VPS13B: variants seen among roughly 807,000 people sequenced by gnomAD.
VPS13B encodes vacuolar protein sorting 13 homolog B, also known as intermembrane lipid transfer protein VPS13B.
In VPS13B, 285 loss-of-function variants were observed where a neutral mutation model predicts 426.4. That is an observed-to-expected ratio of 0.67 (90% CI 0.61 to 0.74). VPS13B has a LOEUF of 0.74. Among genes scored for constraint, VPS13B ranks in the 30% least tolerant of loss-of-function variants. The pLI is 0.00. For missense variants in VPS13B, 4,537 were observed against 4,782.6 expected (o/e 0.95, Z 1.51); for synonymous variants, 1,676 against 1,676.4 (o/e 1.00, Z 0.01).
intron 19 of VPS13B, among the ~76,000 whole-genome samples, chr8:99,363,518 T>C (rs1230230509): frequency 6.6e-6 from 1 of 152,156 alleles, no homozygotes; most frequent in Non-Finnish European, 1.5e-5. Flanking sequence ...ATGTCTTTGG[T>C]ATTTTGATAG....
intron 57 of VPS13B, among the ~76,000 whole-genome samples, chr8:99,860,460 T>G (rs926078018): frequency 6.6e-6 from 1 of 152,246 alleles, no homozygotes; most frequent in Admixed American, 6.5e-5. Context: ...TTCTGTTGTT[T>G]TTATGTTAAA....
intron 17 of VPS13B, chr8:99,233,492 C>G: frequency 3.1e-6 from 4 of 1,307,672 alleles, no homozygotes; most frequent in Non-Finnish European, 4.4e-6. Context: ...TTCACAATCT[C>G]CTGCTCTTGA....
intron 54 of VPS13B, among the ~76,000 whole-genome samples, chr8:99,836,749 C>T (rs879116209): frequency 4.6e-5 from 7 of 152,136 alleles, no homozygotes; most frequent in Non-Finnish European, 8.8e-5. Flanking sequence ...AATGCATTTA[C>T]GGTAGTAATA....
intron 8 of VPS13B, among the ~76,000 whole-genome samples, chr8:99,134,309 C>G (rs1285227402): frequency 6.6e-6 from 1 of 152,214 alleles, no homozygotes; most frequent in South Asian, 2.1e-4. Context: ...TGAGGTTATA[C>G]TATATGTAAA....
intron 45 of VPS13B, 55 bp from the exon 46 acceptor site, chr8:99,818,396 A>G: frequency 6.7e-7 from 1 of 1,502,786 alleles, no homozygotes; most frequent in South Asian, 1.1e-5. Flanking sequence ...CCTTATTTTG[A>G]TTAATTAGTA....
At chr8:99,495,109 A>G (rs1820816846) in intron 25 of VPS13B, among the ~76,000 whole-genome samples, 1 of 152,166 alleles carries the variant, frequency 6.6e-6, no homozygotes, top group African/African-American at 2.4e-5. Context: ...ATCACTCATT[A>G]TCTTTATTAA....
chr8:99,051,027 T>G (rs1843518858), intron 3 of VPS13B, among the ~76,000 whole-genome samples: 1 of 152,198 alleles, frequency 6.6e-6, no homozygotes, highest in African/African-American at 2.4e-5. Flanking sequence ...AGAAGCTCTT[T>G]AGTTTAATTA....
At chr8:99,453,328 A>G (rs1257354719) in intron 23 of VPS13B, among the ~76,000 whole-genome samples, 2 of 152,162 alleles carry the variant, frequency 1.3e-5, no homozygotes, top group Non-Finnish European at 2.9e-5. Context: ...TTAATCCTCA[A>G]ACCGTGTATG....
chr8:99,209,006 C>T (rs1814904679), intron 17 of VPS13B, among the ~76,000 whole-genome samples: 1 of 152,056 alleles, frequency 6.6e-6, no homozygotes, highest in African/African-American at 2.4e-5. Flanking sequence ...TGCGACTGGG[C>T]AGGGTGGCTC....
At chr8:99,734,983 A>G (rs564024525) in intron 39 of VPS13B, among the ~76,000 whole-genome samples, 3 of 152,354 alleles carry the variant, frequency 2.0e-5, no homozygotes, top group South Asian at 2.1e-4. Context: ...TAGGTTCTAC[A>G]TTGGACATTT....
chr8:99,832,089 C>A (rs187904516), intron 51 of VPS13B, among the ~76,000 whole-genome samples: 195 of 152,096 alleles, frequency 1.3e-3, no homozygotes, highest in African/African-American at 4.6e-3. Flanking sequence ...TAGCGAAACC[C>A]CATCTCTACT....
At chr8:99,549,348 T>C (rs963120891) in intron 30 of VPS13B, among the ~76,000 whole-genome samples, 3 of 152,142 alleles carry the variant, frequency 2.0e-5, no homozygotes, top group Admixed American at 6.6e-5. Flanking sequence ...AGTACGTGCT[T>C]TATCCAGCTA....
At position 99,528,004 on chromosome 8, in the gene VPS13B, A is replaced by G. The variant is rs536280611; in HGVS notation, c.4745+6994A>G. The stretch of plus-strand genomic sequence containing the variant: ...TTTCTTAGAAGCTTTATGTTGTGCA[A>G]TATGCTGGTGTATCCTCTATACCTT... On this transcript the variant is annotated intron_variant, in intron 30 of 61. Coordinates refer to ENST00000357162, the MANE Select transcript of VPS13B (RefSeq NM_152564.5). The G allele has an allele frequency of 3.9e-5, 6 of 152,142 alleles. 1 individual carries two copies. The South Asian group carries it at 1.0e-3, about 26-fold the overall frequency. 9.4% of individuals were successfully genotyped at this position (152,142 alleles called of 1,614,324 possible). A position where few individuals can be genotyped will look rare whatever the true frequency, so the allele number is the denominator to read the frequency against.
chr8:99,362,640 A>G (rs1326504099), intron 19 of VPS13B, among the ~76,000 whole-genome samples: 1 of 152,102 alleles, frequency 6.6e-6, no homozygotes, highest in African/African-American at 2.4e-5. Context: ...CTTTCCTAAA[A>G]CCCATTCAGG....
At chr8:99,353,117 G>T (rs1588283666) in intron 19 of VPS13B, among the ~76,000 whole-genome samples, 1 of 151,848 alleles carries the variant, frequency 6.6e-6, no homozygotes, top group Non-Finnish European at 1.5e-5. Flanking sequence ...AAGTAGCTGG[G>T]ATTAGAGGCA....
At chr8:99,578,093 A>G (rs2133813027) in intron 33 of VPS13B, among the ~76,000 whole-genome samples, 1 of 152,290 alleles carries the variant, frequency 6.6e-6, no homozygotes, top group East Asian at 1.9e-4. Flanking sequence ...TAAAAGTTGA[A>G]TGCCTGCCTA....
At chr8:99,256,374 T>C (rs1208448807) in intron 17 of VPS13B, among the ~76,000 whole-genome samples, 5 of 152,200 alleles carry the variant, frequency 3.3e-5, no homozygotes, top group Non-Finnish European at 5.9e-5. Flanking sequence ...TATACAAATA[T>C]CTTTTTGAAA....
intron 43 of VPS13B, among the ~76,000 whole-genome samples, chr8:99,806,526 G>A (rs1813410940): frequency 6.6e-6 from 1 of 152,096 alleles, no homozygotes; most frequent in Non-Finnish European, 1.5e-5. Context: ...TTTTCCCTAT[G>A]TGATCATAAG....
intron 31 of VPS13B, among the ~76,000 whole-genome samples, chr8:99,572,138 T>C (rs1239971661): frequency 6.6e-6 from 1 of 152,158 alleles, no homozygotes; most frequent in African/African-American, 2.4e-5. Context: ...GTTAATAGCT[T>C]GAAGGGAAAT....
Sources: gnomAD v4.1 joint callset for allele counts (sites outside exome capture counted in the v4.1 genomes callset) on GRCh38, gnomAD v4.1.1 for gene constraint, MANE v1.5 for transcripts, NCBI Gene and HGNC (gene_info 2026-07-23, HGNC 2026-07-21) for gene names.